RREB1: variants seen among roughly 807,000 people sequenced by gnomAD.
The protein encoded by RREB1 is ras-responsive element-binding protein 1.
In RREB1, 27 loss-of-function variants were observed where a neutral mutation model predicts 117.8. The observed-to-expected ratio is 0.23, with a 90% CI of 0.17 to 0.32. RREB1 has a LOEUF of 0.32. Among genes scored for constraint, RREB1 ranks in the 10% least tolerant of loss-of-function variants. The probability of loss-of-function intolerance (pLI) is 1.00; values close to 1 mark genes in which losing one functional copy is unlikely to be tolerated. For synonymous variants in RREB1, 1,298 were observed against 1,026.7 expected (o/e 1.26, Z -5.05); for missense variants, 2,577 against 2,378.2 (o/e 1.08, Z -1.74).
At chr6:7,141,615 C>G (rs1377330186) in intron 1 of RREB1, among the ~76,000 whole-genome samples, 3 of 152,322 alleles carry the variant, frequency 2.0e-5, no homozygotes, top group South Asian at 2.1e-4. Flanking sequence ...TTTGGCTTCC[C>G]CGATGGCTAT....
intron 5 of RREB1, among the ~76,000 whole-genome samples, chr6:7,188,392 A>T (rs984074628): frequency 1.3e-5 from 2 of 151,996 alleles, no homozygotes; most frequent in African/African-American, 4.8e-5. Context: ...CTGGGATTAC[A>T]GGCGCCCACC....
At chr6:7,236,099 A>AT (rs1451156354) in intron 10 of RREB1, among the ~76,000 whole-genome samples, 1 of 151,988 alleles carries the variant, frequency 6.6e-6, no homozygotes, top group African/African-American at 2.4e-5. Flanking sequence ...GCCACTCCAT[A>AT]GGAGACAAGA....
chr6:7,221,329 C>T (rs953892613), intron 8 of RREB1, among the ~76,000 whole-genome samples: 1 of 152,044 alleles, frequency 6.6e-6, no homozygotes, highest in African/African-American at 2.4e-5. Flanking sequence ...CCACTGCGCC[C>T]GGCTAATTTT....
intron 2 of RREB1, among the ~76,000 whole-genome samples, chr6:7,177,028 C>T (rs929622082): frequency 1.3e-4 from 20 of 151,644 alleles, no homozygotes; most frequent in African/African-American, 4.8e-4. Flanking sequence ...ACCAGCCTGG[C>T]CAACATGGTG....
At position 7,231,699 on chromosome 6, in the gene RREB1, G is replaced by T; in HGVS notation, c.3600G>T (p.Ala1200=). 1 of 1,613,228 alleles carries T rather than the reference G, an allele frequency of 6.2e-7. No individual in the cohort carries two copies. Among genetic ancestry groups the T allele is most frequent in the East Asian group, 2.2e-5 (1 of 44,864 alleles). ...TNKFSPFLQT[A]EDNTQDEVAG... ...AGTTCAGTCCGTTTCTGCAGACAGC[G>T]GAGGACAACACTCAGGATGAGGTGG... Residue 1200 remains alanine, a synonymous_variant, in exon 10 of 13, where the codon GCG becomes GCT. Transcript: ENST00000379938.
chr6:7,138,331 C>T (rs952512429), intron 1 of RREB1, among the ~76,000 whole-genome samples: 6 of 152,158 alleles, frequency 3.9e-5, no homozygotes, highest in Admixed American at 2.0e-4. Context: ...AGGAAAACTT[C>T]GGCACACACC....
At chr6:7,200,517 C>T (rs561381880) in intron 6 of RREB1, among the ~76,000 whole-genome samples, 1 of 152,178 alleles carries the variant, frequency 6.6e-6, no homozygotes, top group South Asian at 2.1e-4. Flanking sequence ...GATCCGACCA[C>T]CTCAGCCTCC....
chr6:7,221,486 G>T (rs1767257910), intron 8 of RREB1, among the ~76,000 whole-genome samples: 1 of 152,228 alleles, frequency 6.6e-6, no homozygotes, highest in African/African-American at 2.4e-5. Flanking sequence ...GTGTTTTTCT[G>T]TGGGTGTTTC....
chr6:7,189,650 G>A (rs761164388), intron 6 of RREB1, among the ~76,000 whole-genome samples: 2 of 152,112 alleles, frequency 1.3e-5, no homozygotes, highest in African/African-American at 2.4e-5. Context: ...TAGCATCCAC[G>A]TAACCCTGCC....
At chr6:7,144,629 C>A (rs1463619686) in intron 1 of RREB1, among the ~76,000 whole-genome samples, 2 of 149,592 alleles carry the variant, frequency 1.3e-5, no homozygotes, top group African/African-American at 5.0e-5. Flanking sequence ...TTTTTTTTCA[C>A]AAATTATTTC....
Position 7,187,334 on chromosome 6 carries a change from G to C in RREB1, c.172-100G>C, listed in dbSNP as rs569616645. On this transcript the variant is annotated intron_variant, in intron 4 of 12. Transcript: ENST00000379938. ...GCAGGTTCTGGAGCCCATGCTCTCA[G>C]CTACATAGACACAAGTGCTTATTAC... is the stretch of plus-strand genomic sequence containing the variant. 15 of 598,754 alleles carry C rather than the reference G, an allele frequency of 2.5e-5. No individual in the cohort carries two copies. In the African/African-American group the frequency reaches 2.8e-4, roughly 11 times the overall value. 37.1% of individuals were successfully genotyped at this position (598,754 alleles called of 1,614,324 possible).
chr6:7,146,188 C>G (rs1308751379), intron 1 of RREB1, among the ~76,000 whole-genome samples: 1 of 152,186 alleles, frequency 6.6e-6, no homozygotes, highest in African/African-American at 2.4e-5. Flanking sequence ...CTTTGTGGAG[C>G]CTGTTGTGTG....
chr6:7,157,438 A>AC (rs1456612458), intron 1 of RREB1, among the ~76,000 whole-genome samples: 1 of 151,920 alleles, frequency 6.6e-6, no homozygotes, highest in Non-Finnish European at 1.5e-5. Flanking sequence ...CATCTCAAAA[A>AC]AAAAAAAAAT....
At chr6:7,202,066 T>A (rs1766017053) in intron 6 of RREB1, among the ~76,000 whole-genome samples, 1 of 152,170 alleles carries the variant, frequency 6.6e-6, no homozygotes, top group Non-Finnish European at 1.5e-5. Flanking sequence ...TCATTCTCTC[T>A]CCAATCTTGG....
rs1221602884 is a variant in RREB1 at position 7,231,007 on chromosome 6, T to C, written c.2908T>C (p.Ser970Pro). 1.9e-6 allele frequency: 3 copies of C among 1,613,860 alleles called. No homozygotes were observed. Among genetic ancestry groups the C allele is most frequent in the Non-Finnish European group, 2.5e-6 (3 of 1,179,990 alleles). ...GGAGGCGGGGAGCAGCGAGCAGCCC[T>C]CTCCCTGCCCAGCACCCGGCCCTTC... ...EEEAGSSEQP[S>P]PCPAPGPSLP... Residue 970 changes from serine (S) to proline (P), a missense_variant, in exon 10 of 13, where the codon TCT becomes CCT. Ser to Pro is a moderately conservative substitution (Grantham distance 74). Transcript: ENST00000379938.
chr6:7,200,747 T>C (rs1046221095), intron 6 of RREB1, among the ~76,000 whole-genome samples: 7 of 152,206 alleles, frequency 4.6e-5, no homozygotes, highest in African/African-American at 1.7e-4. Flanking sequence ...TAAGCAACAA[T>C]CAAGCCTTTT....
chr6:7,209,966 T>C (rs992291118), intron 6 of RREB1, among the ~76,000 whole-genome samples: 8 of 152,270 alleles, frequency 5.3e-5, no homozygotes, highest in Non-Finnish European at 1.0e-4. Flanking sequence ...ATCATTTTTA[T>C]GTTGCAAAAT....
rs747960823 is a variant in RREB1, at chr6:7,229,674, G to T, written c.1575G>T (p.Pro525=). The T allele has an allele frequency of 2.4e-5, 39 of 1,611,602 alleles. No individual in the cohort carries two copies. The highest frequency in any genetic ancestry group is 3.2e-5 in the Non-Finnish European group (38 of 1,179,188). ...CGGTGGTGGCCACCTCCACGCCCCC[G>T]CCTCTCATCAACGCCCAGCAGGCTT... ...PRTVVATSTP[P]PLINAQQASP... The change falls in exon 10 of 13, where the codon CCG becomes CCT. Residue 525 remains proline, a synonymous_variant. Coordinates refer to ENST00000379938, the MANE Select transcript of RREB1 (RefSeq NM_001003699.4). The surrounding 1 kb of genome is among the most constrained non-coding windows in gnomAD (Gnocchi z 4.5).
At position 7,108,045 on chromosome 6, in the gene RREB1, A is replaced by C. The variant is rs1219227055; in HGVS notation, c.-300A>C. 1 of 152,270 alleles carries C rather than the reference A, an allele frequency of 6.6e-6. No homozygotes were observed. Among genetic ancestry groups the C allele is most frequent in the Non-Finnish European group, 1.5e-5 (1 of 68,086 alleles). The allele number at this position is 152,270 out of a possible 1,614,324, so 9.4% of individuals were successfully genotyped here. On this transcript the variant is annotated 5_prime_UTR_variant, in exon 1 of 13. Transcript: ENST00000379938. Reference sequence around the variant, plus strand: ...CCCAACGCATCATGCCAGGGAGCCAAGCGTCCTGCCCGGCCGTAAGTACGT... The same window carrying C: ...CCCAACGCATCATGCCAGGGAGCCACGCGTCCTGCCCGGCCGTAAGTACGT...
Sources: allele counts gnomAD v4.1 joint callset (sites outside exome capture counted in the v4.1 genomes callset), GRCh38; gene constraint gnomAD v4.1.1; non-coding constraint Gnocchi (gnomAD v3.1); transcripts MANE v1.5; gene names NCBI Gene and HGNC (gene_info 2026-07-23, HGNC 2026-07-21).